The following ABCC10 variants were observed in gnomAD, a reference collection of about 807,000 sequenced individuals.
ABCC10 encodes the protein ATP-binding cassette sub-family C member 10.
A neutral mutation model predicts 143.2 loss-of-function variants in ABCC10; 110 were observed. The observed-to-expected ratio is 0.77, with a 90% CI of 0.66 to 0.90. ABCC10 has a LOEUF of 0.90. Among genes scored for constraint, ABCC10 ranks in the 40% least tolerant of loss-of-function variants. ABCC10 has a pLI of 0.00. For synonymous variants in ABCC10, 805 were observed against 846.7 expected, an observed-to-expected ratio of 0.95 and a Z score of 0.85; for missense variants, 1,700 against 1,900.5, an observed-to-expected ratio of 0.89 and a Z score of 1.96.
At chr6:43,444,763 C>G (rs374487426) in intron 12 of ABCC10, 25 bp from the exon 13 acceptor site, 1 of 1,561,044 alleles carries the variant, frequency 6.4e-7, no homozygotes, top group Non-Finnish European at 8.7e-7. Context: ...CCTCTTACAG[C>G]TTTTTCCTTC....
Position 43,432,494 on chromosome 6 carries a change from C to T in ABCC10, c.514C>T (p.Leu172=), listed in dbSNP as rs1781243345. ...PPLLPGPMAR[L]CLLILQLAAL... ...ACTTCTCCCAGGGCCCATGGCCCGC[C>T]TATGCTTGCTCATCCTGCAGCTGGC... The change falls in exon 3 of 22, where the codon CTA becomes TTA. Residue 172 remains leucine (L), a synonymous_variant. Coordinates refer to ENST00000372530, the MANE Select transcript of ABCC10 (RefSeq NM_001198934.2). 1 of 1,611,964 alleles carries T rather than the reference C, an allele frequency of 6.2e-7. No individual in the cohort carries two copies. Among genetic ancestry groups the T allele is most frequent in the Non-Finnish European group, 8.5e-7 (1 of 1,180,040 alleles).
At chr6:43,446,828 C>T in intron 16 of ABCC10, 1 of 1,133,386 alleles carries the variant, frequency 8.8e-7, no homozygotes. Flanking sequence ...TATCACCCTC[C>T]TGCTTCTCTG....
At chr6:43,432,042 G>A in intron 2 of ABCC10, 100 bp from the exon 3 acceptor site, 1 of 1,519,338 alleles carries the variant, frequency 6.6e-7, no homozygotes, top group Middle Eastern at 1.8e-4. Context: ...AGGCAGGAAG[G>A]GAGTTGATTC....
intron 7 of ABCC10, chr6:43,438,229 C>A: frequency 6.2e-6 from 6 of 961,898 alleles, no homozygotes; most frequent in Non-Finnish European, 8.9e-6. Context: ...CTATAATAGT[C>A]AGCAAAGGAA....
chr6:43,449,747 A>T (rs1366667961), intron 21 of ABCC10, among the ~76,000 whole-genome samples, 182 bp from the exon 22 acceptor site: 1 of 151,122 alleles, frequency 6.6e-6, no homozygotes, highest in African/African-American at 2.5e-5. Flanking sequence ...AGCACTGCCT[A>T]GGGCCCTTTA....
chr6:43,438,785 A>T lies in ABCC10; in HGVS notation c.2117A>T (p.Asp706Val). ...KEVLEACALNDDLSILPAGDQ... is the reference protein window; with the variant it reads ...KEVLEACALNVDLSILPAGDQ... ...GTGCTAGAAGCCTGCGCCCTCAATG[A>T]TGACCTCAGTGTGAGTGCCTGGCCT... The change falls in exon 8 of 22, where the codon GAT becomes GTT. Residue 706 changes from aspartate (D) to valine (V), a missense_variant. Asp to Val is a radical substitution (Grantham distance 152). Transcript: ENST00000372530. 1.2e-6 allele frequency: 2 copies of T among 1,614,120 alleles called. No homozygotes were observed. The highest frequency in any genetic ancestry group is 1.7e-6 in the Non-Finnish European group (2 of 1,180,002).
intron 7 of ABCC10, 63 bp downstream of exon 7, chr6:43,438,076 T>C: frequency 6.5e-7 from 1 of 1,536,336 alleles, no homozygotes; most frequent in Non-Finnish European, 8.9e-7. Flanking sequence ...GAGCCCCTCT[T>C]ATGTGTTGGA....
At chr6:43,437,339 G>C (rs1330755178) in intron 6 of ABCC10, among the ~76,000 whole-genome samples, 1 of 146,942 alleles carries the variant, frequency 6.8e-6, no homozygotes, top group Non-Finnish European at 1.5e-5. Context: ...GGCAGATAGA[G>C]CTTCTGAGAG....
Position 43,432,430 on chromosome 6 carries a change from C to T in ABCC10, c.450C>T (p.Thr150=), listed in dbSNP as rs374975516. Residue 150 remains threonine (T), a synonymous_variant, in exon 3 of 22, where the codon ACC becomes ACT. Transcript: ENST00000372530. The stretch of plus-strand genomic sequence containing the variant: ...TGCCAGCTCCAGCCCTAGTGCTGAC[C>T]GTGTTGTGGCATTGCCAGCGAGGCA... The part of the protein sequence containing the change: ...ALLPAPALVL[T]VLWHCQRGTL... 6 of 1,611,786 alleles carry T rather than the reference C, an allele frequency of 3.7e-6. No individual in the cohort carries two copies. Among genetic ancestry groups the T allele is most frequent in the Middle Eastern group, 1.6e-4 (1 of 6,084 alleles).
intron 12 of ABCC10, 147 bp downstream of exon 12, chr6:43,444,500 G>T (rs758368380): frequency 6.9e-6 from 8 of 1,153,494 alleles, no homozygotes; most frequent in South Asian, 1.7e-5. Flanking sequence ...TCTGAGAGAT[G>T]CCCAGGGGCC....
intron 3 of ABCC10, 109 bp from the exon 4 acceptor site, chr6:43,434,512 G>C: frequency 1.0e-6 from 1 of 982,976 alleles, no homozygotes; most frequent in Admixed American, 2.1e-5. Flanking sequence ...CAGAGTATCT[G>C]GGAGCTTAGA....
intron 20 of ABCC10, 37 bp from the exon 21 acceptor site, chr6:43,449,385 C>G: frequency 6.3e-7 from 1 of 1,580,864 alleles, no homozygotes; most frequent in South Asian, 1.1e-5. Context: ...GCAGCCTCTC[C>G]TTCCTTCTTA....
chr6:43,445,522 C>G (rs1782956445), intron 14 of ABCC10, 77 bp from the exon 15 acceptor site: 2 of 1,477,852 alleles, frequency 1.4e-6, no homozygotes, highest in African/African-American at 2.8e-5. Flanking sequence ...TCCCCTCCAC[C>G]CCACCTCCCC....
At chr6:43,434,561 C>T (rs1158221945) in intron 3 of ABCC10, 60 bp from the exon 4 acceptor site, 2 of 1,489,836 alleles carry the variant, frequency 1.3e-6, no homozygotes, top group South Asian at 2.5e-5. Flanking sequence ...GAAGGCTTGG[C>T]AGGGAAGACA....
At chr6:43,429,297 C>T (rs1780839369) in intron 2 of ABCC10, among the ~76,000 whole-genome samples, 1 of 150,954 alleles carries the variant, frequency 6.6e-6, no homozygotes, top group Non-Finnish European at 1.5e-5. Context: ...AGTGTTCTTT[C>T]TTGGGTCCCC....
chr6:43,445,398 A>T, intron 14 of ABCC10, 84 bp downstream of exon 14: 1 of 1,468,676 alleles, frequency 6.8e-7, no homozygotes, highest in Non-Finnish European at 9.2e-7. Flanking sequence ...TCCACTGGGG[A>T]TGGGAGAGTC....
At position 43,445,730 on chromosome 6, in the gene ABCC10, G is replaced by A; in HGVS notation, c.3162G>A (p.Leu1054=). ...TCCTGGCCAACGCGGCAGGCCTGCTGGGGCTCCTGGCCGTGCTGGGCTCTG... is the reference window on the plus strand; with the variant it reads ...TCCTGGCCAACGCGGCAGGCCTGCTAGGGCTCCTGGCCGTGCTGGGCTCTG... The part of the protein sequence containing the change: ...NILLANAAGL[L]GLLAVLGSGL... Residue 1054 remains leucine, a synonymous_variant, in exon 15 of 22, where the codon CTG becomes CTA. Transcript: ENST00000372530. 1.2e-6 allele frequency: 2 copies of A among 1,614,154 alleles called. No homozygotes were observed. Among genetic ancestry groups the A allele is most frequent in the Non-Finnish European group, 1.7e-6 (2 of 1,180,030 alleles).
At position 43,447,276 on chromosome 6, in the gene ABCC10, C is replaced by A; in HGVS notation, c.3573C>A (p.Ala1191=). 2 of 1,613,778 alleles carry A rather than the reference C, an allele frequency of 1.2e-6. No homozygotes were observed. The highest frequency in any genetic ancestry group is 1.1e-5 in the South Asian group (1 of 91,080). The change falls in exon 17 of 22, where the codon GCC becomes GCA. Residue 1191 remains alanine (A), a synonymous_variant. Coordinates refer to ENST00000372530, the MANE Select transcript of ABCC10 (RefSeq NM_001198934.2). The stretch of plus-strand genomic sequence containing the variant: ...TGGTGGGCTTGTCGCTGTCTTATGC[C>A]CTGTCCCTGACGGGCCTGCTCTCGG... ...PGLVGLSLSY[A]LSLTGLLSGL... is the part of the protein sequence containing the mutation.
chr6:43,447,401 C>T lies in ABCC10; in HGVS notation c.3698C>T (p.Pro1233Leu), dbSNP rs1486901966. 2.5e-6 allele frequency: 4 copies of T among 1,613,018 alleles called. No homozygotes were observed. In the Admixed American group the frequency reaches 5.0e-5, roughly 20 times the overall value. The change falls in exon 17 of 22, where the codon CCA becomes CTA. Residue 1233 changes from proline to leucine, a missense_variant. By Grantham distance (98) the Pro-to-Leu change is moderately conservative (BLOSUM62 -3). Transcript: ENST00000372530. ...CDLPQEPQGQPLQLGTGWLTQ... is the reference protein window; with the variant it reads ...CDLPQEPQGQLLQLGTGWLTQ... Reference sequence around the variant, plus strand: ...CTGCCCCAGGAACCCCAGGGCCAGCCACTGCAGGTGGGCCTGTACCCCCAC... The same window carrying T: ...CTGCCCCAGGAACCCCAGGGCCAGCTACTGCAGGTGGGCCTGTACCCCCAC...
Sources: gnomAD v4.1 joint callset for allele counts (sites outside exome capture counted in the v4.1 genomes callset) on GRCh38, gnomAD v4.1.1 for gene constraint, MANE v1.5 for transcripts, NCBI Gene and HGNC (gene_info 2026-07-23, HGNC 2026-07-21) for gene names.